The following ELSPBP1 variants were observed in gnomAD, a reference collection of about 807,000 sequenced individuals.
ELSPBP1 encodes the protein epididymal sperm-binding protein 1.
ELSPBP1 carries 38 observed loss-of-function variants against 33.3 expected under a neutral mutation model. The observed-to-expected ratio is 1.14, with a 90% CI of 0.88 to 1.50. The LOEUF is 1.50. Ranked by LOEUF, ELSPBP1 falls within the 40% of genes most tolerant of loss-of-function variation. The probability of loss-of-function intolerance (pLI) is 0.00; values close to 1 mark genes in which losing one functional copy is unlikely to be tolerated. For synonymous variants in ELSPBP1, 85 were observed against 94.1 expected, an observed-to-expected ratio of 0.90 and a Z score of 0.56; for missense variants, 267 against 263.5, an observed-to-expected ratio of 1.01 and a Z score of -0.09.
chr19:48,023,123 A>G (rs1967220309), intron 6 of ELSPBP1, among the ~76,000 whole-genome samples: 1 of 146,106 alleles, frequency 6.8e-6, no homozygotes, highest in South Asian at 2.3e-4. Flanking sequence ...GAGAGGGAGG[A>G]AAAGAGAGAG....
intron 1 of ELSPBP1, among the ~76,000 whole-genome samples, chr19:48,006,126 A>AT (rs552519367): frequency 4.6e-4 from 70 of 151,718 alleles, no homozygotes; most frequent in Non-Finnish European, 5.6e-4. Context: ...ATGCAAGGCT[A>AT]TTTTTTTTAT....
intron 1 of ELSPBP1, among the ~76,000 whole-genome samples, chr19:47,996,034 G>C (rs965753326): frequency 1.3e-5 from 2 of 152,188 alleles, no homozygotes; most frequent in African/African-American, 2.4e-5. Context: ...GTAGATATTG[G>C]TGCCAATGTC....
At chr19:48,022,563 A>G (rs145470808) in intron 6 of ELSPBP1, among the ~76,000 whole-genome samples, 1,785 of 152,286 alleles carry the variant, frequency 0.012, 76 homozygotes, top group Admixed American at 0.073. Flanking sequence ...GAAGACTGGA[A>G]CAACTCCCCA....
At chr19:48,010,761 G>T (rs1967067903) in intron 2 of ELSPBP1, among the ~76,000 whole-genome samples, 1 of 152,112 alleles carries the variant, frequency 6.6e-6, no homozygotes, top group Admixed American at 6.6e-5. Context: ...TGTTAATCAG[G>T]GAGTGAGAAC....
At chr19:48,009,284 G>T (rs1276770797) in intron 2 of ELSPBP1, among the ~76,000 whole-genome samples, 2 of 152,054 alleles carry the variant, frequency 1.3e-5, no homozygotes, top group Non-Finnish European at 2.9e-5. Flanking sequence ...TATCTCACGG[G>T]GTTATTTTGA....
At chr19:48,013,971 T>C (rs555455623) in intron 2 of ELSPBP1, among the ~76,000 whole-genome samples, 200 bp from the exon 3 acceptor site, 1 of 152,220 alleles carries the variant, frequency 6.6e-6, no homozygotes, top group African/African-American at 2.4e-5. Context: ...TCATGAAGGC[T>C]CTGCCCTTAC....
chr19:48,019,693 C>G, intron 4 of ELSPBP1, 26 bp from the exon 5 acceptor site: 2 of 1,608,136 alleles, frequency 1.2e-6, no homozygotes, highest in Non-Finnish European at 1.7e-6. Context: ...CTTCTTGACC[C>G]GTAACCTTTC....
chr19:48,021,930 A>G (rs891009327), intron 5 of ELSPBP1, among the ~76,000 whole-genome samples: 11 of 152,028 alleles, frequency 7.2e-5, no homozygotes, highest in Admixed American at 6.6e-4. Context: ...TTTTTTTTGT[A>G]GGGACGGGGT....
At chr19:48,013,502 A>G (rs1047304257) in intron 2 of ELSPBP1, among the ~76,000 whole-genome samples, 1 of 152,154 alleles carries the variant, frequency 6.6e-6, no homozygotes, top group African/African-American at 2.4e-5. Flanking sequence ...GGATCACCTG[A>G]GGTTAGGAGT....
At chr19:47,998,627 A>C (rs1258959198) in intron 1 of ELSPBP1, among the ~76,000 whole-genome samples, 1 of 151,716 alleles carries the variant, frequency 6.6e-6, no homozygotes, top group Non-Finnish European at 1.5e-5. Flanking sequence ...TTTACTAAAA[A>C]TACAAAAAAA....
chr19:48,015,815 G>A lies in ELSPBP1; in HGVS notation c.209-78G>A, dbSNP rs1045266692. The A allele has an allele frequency of 1.6e-5, 22 of 1,388,278 alleles. No homozygotes were observed. The African/African-American group carries it at 1.9e-4, about 12-fold the overall frequency. 86.0% of individuals were successfully genotyped at this position (1,388,278 alleles called of 1,614,324 possible). A position where few individuals can be genotyped will look rare whatever the true frequency, so the allele number is the denominator to read the frequency against. The stretch of plus-strand genomic sequence containing the variant: ...CTTATGTCTGTCCTGTCCTATGATG[G>A]TTGATTGATGATTAAATGACTCTGT... On this transcript the variant is annotated intron_variant, in intron 3 of 6. Transcript: ENST00000339841.
chr19:48,021,171 G>T (rs1478984216), intron 5 of ELSPBP1, among the ~76,000 whole-genome samples: 1 of 152,152 alleles, frequency 6.6e-6, no homozygotes, highest in Non-Finnish European at 1.5e-5. Flanking sequence ...TCAGAAAATT[G>T]ATACTTGTGG....
chr19:47,998,648 G>A (rs1420750673), intron 1 of ELSPBP1, among the ~76,000 whole-genome samples: 4 of 152,054 alleles, frequency 2.6e-5, no homozygotes, highest in African/African-American at 9.7e-5. Flanking sequence ...TCAGCCGAGC[G>A]TGGTGGTGGG....
At chr19:48,007,830 G>T (rs541536454) in intron 1 of ELSPBP1, among the ~76,000 whole-genome samples, 81 of 152,230 alleles carry the variant, frequency 5.3e-4, no homozygotes, top group African/African-American at 1.9e-3. Context: ...AGGTCTGAGT[G>T]TTAGTTTCTG....
At chr19:48,014,942 A>C (rs184737977) in intron 3 of ELSPBP1, among the ~76,000 whole-genome samples, 5 of 152,242 alleles carry the variant, frequency 3.3e-5, no homozygotes, top group African/African-American at 1.2e-4. Context: ...GTTAATAAGG[A>C]AAAAGGAAAC....
intron 1 of ELSPBP1, among the ~76,000 whole-genome samples, chr19:48,006,633 A>G (rs796108938): frequency 3.7e-5 from 5 of 134,810 alleles, no homozygotes; most frequent in African/African-American, 1.4e-4. Context: ...AAAAAAAAAA[A>G]AAAAAAAAAA....
At chr19:48,010,974 C>T (rs1257509151) in intron 2 of ELSPBP1, among the ~76,000 whole-genome samples, 1 of 152,038 alleles carries the variant, frequency 6.6e-6, no homozygotes, top group Non-Finnish European at 1.5e-5. Flanking sequence ...CAGTGGTGTT[C>T]GTGACTGAGG....
chr19:47,998,990 C>T lies in ELSPBP1; in HGVS notation c.-18+4179C>T, dbSNP rs147536681. ...GGGTCCAGCCATGTGGCCCTCCCTTCTGTGCGTCAGAACATGTCACATTGT... is the reference window on the plus strand; with the variant it reads ...GGGTCCAGCCATGTGGCCCTCCCTTTTGTGCGTCAGAACATGTCACATTGT... On this transcript the variant is annotated intron_variant, in intron 1 of 6. Coordinates refer to ENST00000339841, the MANE Select transcript of ELSPBP1 (RefSeq NM_022142.5). 2.2e-3 allele frequency among the ~76,000 whole-genome samples: 336 copies of T among 152,266 alleles called. 2 individuals carry two copies. The highest frequency in any genetic ancestry group is 4.0e-3 in the Non-Finnish European group (271 of 68,026).
chr19:47,999,720 C>G (rs1162655892), intron 1 of ELSPBP1, among the ~76,000 whole-genome samples: 1 of 151,510 alleles, frequency 6.6e-6, no homozygotes, highest in Non-Finnish European at 1.5e-5. Flanking sequence ...CTTTCCCACC[C>G]TAGTAAAATA....
Sources: allele counts gnomAD v4.1 joint callset (sites outside exome capture counted in the v4.1 genomes callset), GRCh38; gene constraint gnomAD v4.1.1; transcripts MANE v1.5; gene names NCBI Gene and HGNC (gene_info 2026-07-23, HGNC 2026-07-21).